The following PTPRT variants were observed in gnomAD, a reference collection of about 807,000 sequenced individuals.
PTPRT encodes the protein receptor-type tyrosine-protein phosphatase T.
PTPRT carries 56 observed loss-of-function variants against 176.8 expected under a neutral mutation model. The observed-to-expected ratio is 0.32, with a 90% CI of 0.26 to 0.40. The LOEUF is 0.40. Among genes scored for constraint, PTPRT ranks in the 10% least tolerant of loss-of-function variants. PTPRT has a pLI of 1.00. For synonymous variants in PTPRT, 783 were observed against 739.0 expected (o/e 1.06, Z -0.96); for missense variants, 1,540 against 1,908.2 (o/e 0.81, Z 3.60).
At chr20:43,135,404 T>C (rs2013798495) in intron 1 of PTPRT, among the ~76,000 whole-genome samples, 1 of 152,156 alleles carries the variant, frequency 6.6e-6, no homozygotes, top group Non-Finnish European at 1.5e-5. Flanking sequence ...GATCATGCAA[T>C]ATGTACGCGG....
intron 2 of PTPRT, among the ~76,000 whole-genome samples, chr20:42,867,920 G>A (rs1417471291): frequency 6.6e-6 from 1 of 152,104 alleles, no homozygotes; most frequent in Non-Finnish European, 1.5e-5. Flanking sequence ...GACCTCAGGT[G>A]ATCTGCCCGC....
At chr20:43,004,462 G>A (rs1393884232) in intron 1 of PTPRT, among the ~76,000 whole-genome samples, 1 of 152,122 alleles carries the variant, frequency 6.6e-6, no homozygotes, top group African/African-American at 2.4e-5. Flanking sequence ...TCAACTAATA[G>A]ACTGGTACCT....
chr20:42,815,095 A>G (rs1330644844), intron 2 of PTPRT, among the ~76,000 whole-genome samples: 1 of 152,148 alleles, frequency 6.6e-6, no homozygotes, highest in Non-Finnish European at 1.5e-5. Context: ...ATCTCACACA[A>G]GGAATATTTA....
chr20:42,630,932 G>A (rs2074391562), intron 7 of PTPRT, among the ~76,000 whole-genome samples: 1 of 152,116 alleles, frequency 6.6e-6, no homozygotes, highest in Non-Finnish European at 1.5e-5. Context: ...TTCTACCATG[G>A]TGAGTGGTAC....
intron 1 of PTPRT, among the ~76,000 whole-genome samples, chr20:43,145,894 G>C (rs1393816313): frequency 6.6e-6 from 1 of 152,114 alleles, no homozygotes; most frequent in Non-Finnish European, 1.5e-5. Context: ...ACTGTTTTCT[G>C]TTCCATAAAG....
In PTPRT at chr20:42,388,927, C is replaced by T. The variant is rs138749700; in HGVS notation, c.1561-36642G>A. Reference sequence around the variant, plus strand: ...TAAGAAAATGTGGCACATAATACACCGTGGAATACTATGCAGCCATAAGAA... The same window carrying T: ...TAAGAAAATGTGGCACATAATACACTGTGGAATACTATGCAGCCATAAGAA... On this transcript the variant is annotated intron_variant, in intron 9 of 30. Coordinates refer to ENST00000373187, the MANE Select transcript of PTPRT (RefSeq NM_007050.6). 4.5e-4 allele frequency among the ~76,000 whole-genome samples: 68 copies of T among 152,216 alleles called. No homozygotes were observed. In the East Asian group the frequency reaches 0.012, roughly 26 times the overall value.
chr20:42,288,916 T>A (rs1181454043), intron 12 of PTPRT, among the ~76,000 whole-genome samples: 4 of 151,982 alleles, frequency 2.6e-5, no homozygotes, highest in African/African-American at 9.7e-5. Context: ...GGTGGTTATG[T>A]TTTTAGTTCT....
At chr20:42,551,460 T>C (rs2145615554) in intron 7 of PTPRT, among the ~76,000 whole-genome samples, 1 of 152,336 alleles carries the variant, frequency 6.6e-6, no homozygotes, top group South Asian at 2.1e-4. Flanking sequence ...TGATGCTGCC[T>C]ACACTATTTT....
chr20:42,528,394 G>A (rs2072316589), intron 7 of PTPRT, among the ~76,000 whole-genome samples: 1 of 151,206 alleles, frequency 6.6e-6, no homozygotes, highest in Non-Finnish European at 1.5e-5. Flanking sequence ...CAATAAGTAT[G>A]TGTGGTTAGA....
intron 4 of PTPRT, among the ~76,000 whole-genome samples, chr20:42,778,763 T>G (rs1448977069): frequency 6.6e-6 from 1 of 152,184 alleles, no homozygotes; most frequent in Admixed American, 6.5e-5. Flanking sequence ...TGAAGGAGAT[T>G]CATATGCATA....
At chr20:42,405,205 T>A (rs543309024) in intron 9 of PTPRT, among the ~76,000 whole-genome samples, 13 of 151,830 alleles carry the variant, frequency 8.6e-5, no homozygotes, top group South Asian at 2.1e-4. Context: ...TCTTTTTTTT[T>A]ATTATACTTT....
chr20:42,890,516 C>T (rs746018796), intron 1 of PTPRT, among the ~76,000 whole-genome samples: 2 of 152,140 alleles, frequency 1.3e-5, no homozygotes, highest in African/African-American at 2.4e-5. Flanking sequence ...TCAGAAAGAA[C>T]TGGAACTCTC....
At chr20:42,234,798 G>A (rs2056207347) in intron 15 of PTPRT, among the ~76,000 whole-genome samples, 1 of 152,186 alleles carries the variant, frequency 6.6e-6, no homozygotes. Context: ...TTGGTGATGG[G>A]GGCCCATTTG....
intron 7 of PTPRT, among the ~76,000 whole-genome samples, chr20:42,621,239 G>A (rs961075863): frequency 9.2e-5 from 14 of 152,066 alleles, no homozygotes; most frequent in Non-Finnish European, 1.8e-4. Flanking sequence ...AGCTCCTCGG[G>A]CCTTGCCCAC....
rs1982439595 is a variant in PTPRT at position 42,073,004 on chromosome 20, G to A, written c.*7875C>T. The A allele has an allele frequency of 4.5e-6, 1 of 223,690 alleles. No homozygotes were observed. The highest frequency in any genetic ancestry group is 5.8e-5 in the Admixed American group (1 of 17,366). 13.9% of individuals were successfully genotyped at this position (223,690 alleles called of 1,614,324 possible). On this transcript the variant is annotated 3_prime_UTR_variant, in exon 31 of 31. Coordinates refer to ENST00000373187, the MANE Select transcript of PTPRT (RefSeq NM_007050.6). ...AAAAAACATTGACAGCACAGTGCTG[G>A]CTTTTTTAAAAAGTTGATTTATTTT...
chr20:42,715,828 T>G (rs2076214640), intron 6 of PTPRT, among the ~76,000 whole-genome samples: 1 of 152,192 alleles, frequency 6.6e-6, no homozygotes, highest in Non-Finnish European at 1.5e-5. Context: ...CCAAAAGTAT[T>G]TTTTCTTTTT....
chr20:42,843,727 G>A (rs766379095), intron 2 of PTPRT, among the ~76,000 whole-genome samples: 34 of 152,238 alleles, frequency 2.2e-4, no homozygotes, highest in Non-Finnish European at 4.6e-4. Flanking sequence ...AAGTAAGCAT[G>A]GAGGGCTTCC....
chr20:42,430,494 G>T (rs1255666631), intron 9 of PTPRT, among the ~76,000 whole-genome samples: 2 of 152,200 alleles, frequency 1.3e-5, no homozygotes, highest in African/African-American at 2.4e-5. Context: ...GAGAGGTTCA[G>T]CTTGAGAGGC....
intron 6 of PTPRT, among the ~76,000 whole-genome samples, chr20:42,689,750 G>A (rs757869541): frequency 1.3e-5 from 2 of 152,082 alleles, no homozygotes; most frequent in East Asian, 1.9e-4. Context: ...CGGAGAGAGC[G>A]ATTGGAAGAT....
Sources: gnomAD v4.1 joint callset for allele counts (sites outside exome capture counted in the v4.1 genomes callset) on GRCh38, gnomAD v4.1.1 for gene constraint, MANE v1.5 for transcripts, NCBI Gene and HGNC (gene_info 2026-07-23, HGNC 2026-07-21) for gene names.